Variants in LVRN observed in about 807,000 individuals in gnomAD.
LVRN encodes laeverin.
A neutral mutation model predicts 111.4 loss-of-function variants in LVRN; 99 were observed. The ratio of observed to expected loss-of-function variants is 0.89; its 90% CI spans 0.76 to 1.05. The LOEUF (loss-of-function observed/expected upper bound fraction) is 1.05, where lower values mean the gene tolerates loss of function less well. LVRN is among the 50% of genes least tolerant of loss of function. LVRN has a pLI of 0.00. For synonymous variants in LVRN, 488 were observed against 449.5 expected (o/e 1.09, Z -1.08); for missense variants, 1,414 against 1,206.8 (o/e 1.17, Z -2.54).
At chr5:116,018,871 A>G (rs1748656587) in intron 18 of LVRN, among the ~76,000 whole-genome samples, 2 of 152,158 alleles carry the variant, frequency 1.3e-5, no homozygotes, top group Admixed American at 1.3e-4. Context: ...TTTTTAGGGT[A>G]GTTTTAAGTT....
chr5:115,965,803 C>A (rs539360787), intron 1 of LVRN, among the ~76,000 whole-genome samples: 3 of 152,142 alleles, frequency 2.0e-5, no homozygotes, highest in Non-Finnish European at 4.4e-5. Flanking sequence ...CTTTCTTCCC[C>A]TTCATCTCCT....
Position 115,993,830 on chromosome 5 carries a change from C to T in LVRN, c.1350C>T (p.Asn450=), listed in dbSNP as rs1033653978. The T allele has an allele frequency of 6.2e-7, 1 of 1,602,294 alleles. No individual in the cohort carries two copies. Among genetic ancestry groups the T allele is most frequent in the African/African-American group, 1.3e-5 (1 of 74,602 alleles). ...CTTATTTTGAGTTTGAAGTAATTAA[C>T]TACTTTAATCCTAAACTCCCAAGAG... ...FASYFEFEVI[N]YFNPKLPRNE... is the part of the protein sequence containing the mutation. Residue 450 remains asparagine (N), a synonymous_variant, in exon 6 of 20, where the codon AAC becomes AAT. Transcript: ENST00000357872.
intron 1 of LVRN, among the ~76,000 whole-genome samples, chr5:115,965,431 A>G (rs1373713618): frequency 6.6e-6 from 1 of 152,230 alleles, no homozygotes; most frequent in Non-Finnish European, 1.5e-5. Context: ...AAAGTGGTAA[A>G]CTTTATGTTA....
intron 6 of LVRN, among the ~76,000 whole-genome samples, chr5:115,995,023 G>C (rs1015257182): frequency 6.6e-6 from 1 of 151,960 alleles, no homozygotes; most frequent in East Asian, 1.9e-4. Flanking sequence ...TTGTTCCAAG[G>C]CTGGATTACT....
At position 115,999,766 on chromosome 5, in the gene LVRN, A is replaced by C; in HGVS notation, c.1379A>C (p.Glu460Ala). The change falls in exon 7 of 20, where the codon GAG becomes GCG. Residue 460 changes from glutamate (E) to alanine (A), a missense_variant. Glu to Ala is a moderately radical substitution (Grantham distance 107, BLOSUM62 -1). Transcript: ENST00000357872. ...NYFNPKLPRN[E>A]IFFSNILHNI... Reference sequence around the variant, plus strand: ...CCTCCATCTTTTCCTTTATAGAATGAGATCTTTTTTTCTAACATTTTACAT... The same window carrying C: ...CCTCCATCTTTTCCTTTATAGAATGCGATCTTTTTTTCTAACATTTTACAT... The C allele has an allele frequency of 1.2e-6, 2 of 1,613,326 alleles. No individual in the cohort carries two copies. The highest frequency in any genetic ancestry group is 1.7e-6 in the Non-Finnish European group (2 of 1,179,654).
intron 1 of LVRN, among the ~76,000 whole-genome samples, chr5:115,977,658 A>G (rs997005995): frequency 2.0e-5 from 3 of 152,168 alleles, no homozygotes; most frequent in African/African-American, 7.2e-5. Flanking sequence ...CAGTCAGTGC[A>G]TTGGAAAGGA....
chr5:116,017,028 G>C (rs553048549), intron 18 of LVRN, among the ~76,000 whole-genome samples: 9 of 152,302 alleles, frequency 5.9e-5, no homozygotes, highest in Non-Finnish European at 7.4e-5. Context: ...ATTAGGACTT[G>C]GTATCTGATA....
chr5:115,973,883 AT>A (rs1386986058), intron 1 of LVRN, among the ~76,000 whole-genome samples: 1 of 152,106 alleles, frequency 6.6e-6, no homozygotes, highest in Non-Finnish European at 1.5e-5. Context: ...TACTTCTAAT[AT>A]TCAATAAGTT....
rs752662948 is a variant in LVRN at position 116,022,958 on chromosome 5, A to G, written c.2832+492A>G. On this transcript the variant is annotated intron_variant, in intron 19 of 19. Coordinates refer to ENST00000357872, the MANE Select transcript of LVRN (RefSeq NM_173800.5). ...CCCTAAACACATTTCCTCTAGTTAT[A>G]CTGTACCACTTACAAATTTTCTTGA... is the stretch of plus-strand genomic sequence containing the variant. 1.1e-4 allele frequency among the ~76,000 whole-genome samples: 17 copies of G among 152,318 alleles called. 1 individual carries two copies. The highest frequency in any genetic ancestry group is 3.4e-3 in the Middle Eastern group (1 of 294).
In LVRN at chr5:116,009,337, A is replaced by T. The variant is rs185901687; in HGVS notation, c.2094-1404A>T. On this transcript the variant is annotated intron_variant, in intron 13 of 19. Transcript: ENST00000357872. ...TGGTTACACAAGCACTATGATGGAG[A>T]TGTACAAGGAGATTAATGTTGTTTT... is the stretch of plus-strand genomic sequence containing the variant. 1.6e-4 allele frequency among the ~76,000 whole-genome samples: 24 copies of T among 152,296 alleles called. No individual in the cohort carries two copies. The East Asian group carries it at 4.6e-3, about 29-fold the overall frequency.
intron 1 of LVRN, among the ~76,000 whole-genome samples, chr5:115,970,633 C>T (rs1399530584): frequency 7.2e-5 from 11 of 152,152 alleles, no homozygotes; most frequent in Admixed American, 7.2e-4. Context: ...GATCCACTCA[C>T]CTTGGCCTCC....
At chr5:116,013,407 A>C (rs961626213) in intron 15 of LVRN, among the ~76,000 whole-genome samples, 5 of 152,140 alleles carry the variant, frequency 3.3e-5, no homozygotes, top group Middle Eastern at 3.2e-3. Flanking sequence ...TTAACCAGAC[A>C]TTTCCTTGGC....
chr5:115,997,147 T>C (rs1205675764), intron 6 of LVRN, among the ~76,000 whole-genome samples: 2 of 152,110 alleles, frequency 1.3e-5, no homozygotes, highest in East Asian at 1.9e-4. Context: ...ATTAATTTAG[T>C]ACTCATAATA....
intron 17 of LVRN, 24 bp downstream of exon 17, chr5:116,015,443 A>T: frequency 6.5e-7 from 1 of 1,547,250 alleles, no homozygotes; most frequent in Non-Finnish European, 8.7e-7. Context: ...ACTTACCTTG[A>T]AAGTTTCTGT....
Position 116,026,252 on chromosome 5 carries a change from C to T in LVRN, c.*134C>T. On this transcript the variant is annotated 3_prime_UTR_variant, in exon 20 of 20. Transcript: ENST00000357872. ...TCAGTCACATTTATTACTCAGAGTG[C>T]CATTCTTCTCATATTGTCATGTTTG... 1 of 1,310,038 alleles carries T rather than the reference C, an allele frequency of 7.6e-7. No individual in the cohort carries two copies. The allele number at this position is 1,310,038 out of a possible 1,614,324, so 81.2% of individuals were successfully genotyped here.
In LVRN at chr5:116,020,442, G is replaced by A. The variant is rs952859184; in HGVS notation, c.2757-1949G>A. 7.9e-5 allele frequency among the ~76,000 whole-genome samples: 12 copies of A among 152,142 alleles called. 1 individual carries two copies. Among genetic ancestry groups the A allele is most frequent in the African/African-American group, 2.7e-4 (11 of 41,416 alleles). ...GAAAAACCACTTTTATTTGAATATA[G>A]AATACAGAGCATGATCAGTTTTAAA... On this transcript the variant is annotated intron_variant, in intron 18 of 19. Transcript: ENST00000357872.
At chr5:115,964,606 T>C (rs1012581989) in intron 1 of LVRN, among the ~76,000 whole-genome samples, 20 of 152,312 alleles carry the variant, frequency 1.3e-4, no homozygotes, top group East Asian at 7.7e-4. Flanking sequence ...TGACTTTTTT[T>C]TTTTTCTTGC....
intron 3 of LVRN, among the ~76,000 whole-genome samples, chr5:115,987,364 C>A (rs1747891086): frequency 6.6e-6 from 1 of 152,124 alleles, no homozygotes; most frequent in South Asian, 2.1e-4. Flanking sequence ...AACTGCTAAA[C>A]AATTTTAAAT....
chr5:115,966,364 T>C (rs150894092), intron 1 of LVRN, among the ~76,000 whole-genome samples: 1 of 152,362 alleles, frequency 6.6e-6, no homozygotes, highest in East Asian at 1.9e-4. Context: ...TCCATCCAAG[T>C]ATGCATCAAT....
Sources: gnomAD v4.1 joint callset for allele counts (sites outside exome capture counted in the v4.1 genomes callset) on GRCh38, gnomAD v4.1.1 for gene constraint, MANE v1.5 for transcripts, NCBI Gene and HGNC (gene_info 2026-07-23, HGNC 2026-07-21) for gene names.